Variants in THSD4 observed in about 807,000 individuals in gnomAD.
THSD4 encodes thrombospondin type 1 domain containing 4.
Under a neutral mutation model 119.0 loss-of-function variants are expected in THSD4, and 69 were observed. The ratio of observed to expected loss-of-function variants is 0.58; its 90% CI spans 0.48 to 0.71. The LOEUF is 0.71. Among genes scored for constraint, THSD4 ranks in the 30% least tolerant of loss-of-function variants. The pLI is 0.00. For synonymous variants in THSD4, 524 were observed against 540.4 expected (o/e 0.97, Z 0.42); for missense variants, 1,393 against 1,391.1 (o/e 1.00, Z -0.02).
At position 71,728,855 on chromosome 15, in the gene THSD4, A is replaced by G. The variant is rs1036713438; in HGVS notation, c.1533+131A>G. The G allele has an allele frequency of 5.7e-6, 7 of 1,222,710 alleles. No homozygotes were observed. The African/African-American group carries it at 1.0e-4, about 18-fold the overall frequency. The allele number at this position is 1,222,710 out of a possible 1,614,324, so 75.7% of individuals were successfully genotyped here. ...AAACCCTTTGAGCAGAGCCTGTTGG[A>G]GGCACTCCTTGAATGCTTGGCGTTC... On this transcript the variant is annotated intron_variant, in intron 9 of 17. Transcript: ENST00000261862.
At position 71,573,143 on chromosome 15, in the gene THSD4, A is replaced by G. The variant is rs146509038; in HGVS notation, c.1153-87387A>G. On this transcript the variant is annotated intron_variant, in intron 7 of 17. Transcript: ENST00000261862. ...GACAACAGACTTAGGGTTTCTGGGG[A>G]GAGTTGGTGGGTGAGGAATCCGAGC... Among the ~76,000 whole-genome samples, 493 of 152,152 alleles carry G rather than the reference A, an allele frequency of 3.2e-3. 1 individual carries two copies. The highest frequency in any genetic ancestry group is 0.01 in the Middle Eastern group (3 of 294).
intron 7 of THSD4, among the ~76,000 whole-genome samples, chr15:71,643,436 T>C (rs936000647): frequency 4.0e-5 from 6 of 151,400 alleles, no homozygotes; most frequent in East Asian, 3.9e-4. Flanking sequence ...CCAATAGTTA[T>C]TTTTTCTGCT....
intron 3 of THSD4, among the ~76,000 whole-genome samples, chr15:71,198,609 G>A (rs927387631): frequency 2.0e-5 from 3 of 152,246 alleles, no homozygotes; most frequent in African/African-American, 7.2e-5. Context: ...CTTTGGCCTA[G>A]AGGGTGTTAT....
At chr15:71,630,919 G>C (rs2050614373) in intron 7 of THSD4, among the ~76,000 whole-genome samples, 1 of 152,102 alleles carries the variant, frequency 6.6e-6, no homozygotes, top group South Asian at 2.1e-4. Flanking sequence ...TTTGCGGTGG[G>C]GGCTGTCCTG....
At chr15:71,287,171 G>A (rs61680870) in intron 6 of THSD4, among the ~76,000 whole-genome samples, 7,126 of 152,212 alleles carry the variant, frequency 0.047, 218 homozygotes, top group South Asian at 0.097. Context: ...AGATATGCCC[G>A]ACAAAATGAA....
chr15:71,695,488 A>T (rs1052826432), intron 8 of THSD4, among the ~76,000 whole-genome samples: 5 of 143,444 alleles, frequency 3.5e-5, no homozygotes, highest in Non-Finnish European at 7.5e-5. Context: ...CACATAAAAT[A>T]TTTGTGTGTG....
At chr15:71,708,515 T>G (rs2052438908) in intron 8 of THSD4, among the ~76,000 whole-genome samples, 1 of 152,140 alleles carries the variant, frequency 6.6e-6, no homozygotes, top group Admixed American at 6.5e-5. Context: ...ACAAACTATA[T>G]AGAAACTAAC....
At chr15:71,166,602 A>T (rs1156580756) in intron 3 of THSD4, among the ~76,000 whole-genome samples, 2 of 151,726 alleles carry the variant, frequency 1.3e-5, no homozygotes, top group Non-Finnish European at 2.9e-5. Flanking sequence ...CTGGTGGGGG[A>T]TACCATGTGG....
At chr15:71,379,450 C>CTTTTTTTTTTT (rs34326932) in intron 6 of THSD4, among the ~76,000 whole-genome samples, 1 of 77,562 alleles carries the variant, frequency 1.3e-5, no homozygotes, top group East Asian at 4.4e-4. Context: ...CAAATGGCTT[C>CTTTTTTTTTTT]TTTTTTTTTT....
At chr15:71,553,094 G>C (rs529761929) in intron 7 of THSD4, among the ~76,000 whole-genome samples, 1 of 152,226 alleles carries the variant, frequency 6.6e-6, no homozygotes, top group East Asian at 1.9e-4. Flanking sequence ...TGTCCTTCTA[G>C]AACCATTCTT....
At chr15:71,309,002 T>G (rs1031846640) in intron 6 of THSD4, among the ~76,000 whole-genome samples, 2 of 152,220 alleles carry the variant, frequency 1.3e-5, no homozygotes, top group African/African-American at 4.8e-5. Context: ...CAGGCTGCAG[T>G]GCAGTGGCAC....
At chr15:71,772,254 C>T (rs866491970) in intron 17 of THSD4, among the ~76,000 whole-genome samples, 2 of 152,276 alleles carry the variant, frequency 1.3e-5, no homozygotes, top group Middle Eastern at 6.8e-3. Flanking sequence ...AACATCCTTC[C>T]TATCCCAGGG....
rs905078 is a variant in THSD4 at position 71,711,176 on chromosome 15, C to A, written c.1358-17373C>A. Among the ~76,000 whole-genome samples the A allele has an allele frequency of 6.6e-3, 988 of 150,716 alleles. 9 individuals carry two copies. The highest frequency in any genetic ancestry group is 0.01 in the Non-Finnish European group (688 of 67,798). On this transcript the variant is annotated intron_variant, in intron 8 of 17. Coordinates refer to ENST00000261862, the MANE Select transcript of THSD4 (RefSeq NM_024817.3). Reference sequence around the variant, plus strand: ...GCAAATATAACATAAATAGGGGAGACTTGAAGGACCTTTATTTTGTGTTTG... The same window carrying A: ...GCAAATATAACATAAATAGGGGAGAATTGAAGGACCTTTATTTTGTGTTTG...
At chr15:71,650,183 C>T (rs758342462) in intron 7 of THSD4, among the ~76,000 whole-genome samples, 4 of 152,136 alleles carry the variant, frequency 2.6e-5, no homozygotes, top group Non-Finnish European at 5.9e-5. Flanking sequence ...AGAACATAGC[C>T]ATAAGTCATC....
chr15:71,547,543 C>T (rs545079311), intron 7 of THSD4: 1 of 1,532,738 alleles, frequency 6.5e-7, no homozygotes. Context: ...ATTTCCTCTT[C>T]TATCTACCAA....
chr15:71,586,818 A>G (rs992606986), intron 7 of THSD4, among the ~76,000 whole-genome samples: 1 of 152,150 alleles, frequency 6.6e-6, no homozygotes, highest in Non-Finnish European at 1.5e-5. Flanking sequence ...TGCCTACCAC[A>G]CTATTCTGTG....
chr15:71,679,441 C>T (rs1179751389), intron 8 of THSD4, among the ~76,000 whole-genome samples: 2 of 152,176 alleles, frequency 1.3e-5, no homozygotes, highest in African/African-American at 4.8e-5. Flanking sequence ...GCCTATGCTC[C>T]AATAAAATAC....
intron 7 of THSD4, among the ~76,000 whole-genome samples, chr15:71,575,511 C>T (rs2049432783): frequency 6.6e-6 from 1 of 152,172 alleles, no homozygotes; most frequent in Non-Finnish European, 1.5e-5. Context: ...AGAGTACCTT[C>T]ATATACCCAG....
intron 7 of THSD4, among the ~76,000 whole-genome samples, chr15:71,542,527 T>C (rs1245958644): frequency 6.6e-6 from 1 of 152,158 alleles, no homozygotes; most frequent in Non-Finnish European, 1.5e-5. Context: ...TTTGCTTCTA[T>C]AGTATTCTTC....
Sources: gnomAD v4.1 joint callset for allele counts (sites outside exome capture counted in the v4.1 genomes callset) on GRCh38, gnomAD v4.1.1 for gene constraint, MANE v1.5 for transcripts, NCBI Gene and HGNC (gene_info 2026-07-23, HGNC 2026-07-21) for gene names.